The following BMAL2 variants were observed in gnomAD, a reference collection of about 807,000 sequenced individuals.
BMAL2 encodes basic helix-loop-helix ARNT like 2, also known as basic helix-loop-helix ARNT-like protein 2.
chr12:27,369,025 A>G, the BMAL2 span, among the ~76,000 whole-genome samples: 1 of 152,226 alleles, frequency 6.6e-6, no homozygotes, highest in Non-Finnish European at 1.5e-5. Context: ...CTGCAGTACT[A>G]GCTACGCAGG....
the BMAL2 span, among the ~76,000 whole-genome samples, chr12:27,408,698 G>C: frequency 9.8e-4 from 149 of 152,196 alleles, no homozygotes; most frequent in Non-Finnish European, 1.8e-3. Context: ...CAGGGATGCC[G>C]TCTCTCACCA....
the BMAL2 span, among the ~76,000 whole-genome samples, chr12:27,381,099 G>A: frequency 1.0e-3 from 155 of 152,174 alleles, no homozygotes; most frequent in Non-Finnish European, 1.5e-3. Context: ...TCAGATTTAC[G>A]AGTAGTACCT....
At chr12:27,402,752 C>A in the BMAL2 span, 2 of 1,341,722 alleles carry the variant, frequency 1.5e-6, no homozygotes, top group Admixed American at 2.2e-5. Context: ...TTTTTCTGTC[C>A]TGGAGAGGGG....
At chr12:27,400,546 T>C in the BMAL2 span, 3 of 1,588,808 alleles carry the variant, frequency 1.9e-6, no homozygotes, top group Non-Finnish European at 2.6e-6. Context: ...CACAGAAAAT[T>C]CTATACTATC....
At chr12:27,377,545 A>G in the BMAL2 span, 2 of 152,312 alleles carry the variant, frequency 1.3e-5, no homozygotes, top group East Asian at 1.9e-4. Flanking sequence ...GTTAGAAGAG[A>G]TGATCCTTCT....
At chr12:27,358,018 A>AT in the BMAL2 span, among the ~76,000 whole-genome samples, 2 of 151,740 alleles carry the variant, frequency 1.3e-5, no homozygotes, top group African/African-American at 2.4e-5. Context: ...AAATAAATTT[A>AT]TTTTTTATAT....
the BMAL2 span, among the ~76,000 whole-genome samples, chr12:27,396,601 C>T: frequency 1.2e-4 from 18 of 152,164 alleles, no homozygotes; most frequent in African/African-American, 2.4e-4. Context: ...AGGGAGTGGG[C>T]GCCTGCTGTA....
the BMAL2 span, chr12:27,418,160 A>G: frequency 6.2e-7 from 1 of 1,613,324 alleles, no homozygotes; most frequent in African/African-American, 1.3e-5. Context: ...GCAAAACCAG[A>G]GTACTGTTGC....
At chr12:27,423,771 G>GTCCTCA in the BMAL2 span, 1 of 152,118 alleles carries the variant, frequency 6.6e-6, no homozygotes, top group Non-Finnish European at 1.5e-5. Flanking sequence ...GTGCCTCAGC[G>GTCCTCA]TCCTCATTTT....
At chr12:27,390,045 A>G in the BMAL2 span, 3 of 1,588,576 alleles carry the variant, frequency 1.9e-6, no homozygotes, top group East Asian at 4.5e-5. Context: ...TTTCAAAATT[A>G]TTTGACAATA....
the BMAL2 span, among the ~76,000 whole-genome samples, chr12:27,363,827 A>T: frequency 6.6e-6 from 1 of 152,162 alleles, no homozygotes; most frequent in African/African-American, 2.4e-5. Flanking sequence ...ACATTTAACA[A>T]TCTTTTCCTT....
At chr12:27,382,311 G>C in the BMAL2 span, among the ~76,000 whole-genome samples, 2 of 152,174 alleles carry the variant, frequency 1.3e-5, no homozygotes, top group Non-Finnish European at 2.9e-5. Context: ...AACAAAACAT[G>C]ATCTGAGCAT....
the BMAL2 span, among the ~76,000 whole-genome samples, chr12:27,367,814 A>ATGTG: frequency 1.3e-4 from 9 of 70,734 alleles, no homozygotes; most frequent in African/African-American, 3.1e-4. Context: ...TATAGATATA[A>ATGTG]TGTGTGTGTG....
chr12:27,340,108 G>T, the BMAL2 span, among the ~76,000 whole-genome samples: 1 of 152,078 alleles, frequency 6.6e-6, no homozygotes, highest in Admixed American at 6.5e-5. Context: ...GGTTTAATTA[G>T]ATCCCATTTG....
chr12:27,365,246 G>A, the BMAL2 span, among the ~76,000 whole-genome samples: 1 of 151,926 alleles, frequency 6.6e-6, no homozygotes, highest in African/African-American at 2.4e-5. Flanking sequence ...TGATTGTATA[G>A]TTTTTCATTT....
chr12:27,410,026 A>C, the BMAL2 span, among the ~76,000 whole-genome samples: 10,804 of 152,154 alleles, frequency 0.071, 449 homozygotes, highest in East Asian at 0.12. Flanking sequence ...AGACAAATGC[A>C]AATCAAAACC....
the BMAL2 span, among the ~76,000 whole-genome samples, chr12:27,398,741 T>C: frequency 6.6e-6 from 1 of 152,230 alleles, no homozygotes; most frequent in African/African-American, 2.4e-5. Flanking sequence ...CTAGGTTCTA[T>C]GTGATGAGAT....
At chr12:27,407,441 A>G in the BMAL2 span, among the ~76,000 whole-genome samples, 1 of 152,202 alleles carries the variant, frequency 6.6e-6, no homozygotes, top group Non-Finnish European at 1.5e-5. Context: ...TAAGAAGCTC[A>G]CTCAAAACCA....
chr12:27,386,246 T>C, the BMAL2 span, among the ~76,000 whole-genome samples: 1 of 152,188 alleles, frequency 6.6e-6, no homozygotes, highest in African/African-American at 2.4e-5. Flanking sequence ...TAAAAAGGAT[T>C]TTTGAAGGTG....
Sources: allele counts gnomAD v4.1 joint callset (sites outside exome capture counted in the v4.1 genomes callset), GRCh38; gene constraint gnomAD v4.1.1; transcripts MANE v1.5; gene names NCBI Gene and HGNC (gene_info 2026-07-23, HGNC 2026-07-21).